The following PLCE1 variants were observed in gnomAD, a reference collection of about 807,000 sequenced individuals.
The protein encoded by PLCE1 is 1-phosphatidylinositol 4,5-bisphosphate phosphodiesterase epsilon-1.
In PLCE1, 119 loss-of-function variants were observed where a neutral mutation model predicts 242.8. The ratio of observed to expected loss-of-function variants is 0.49; its 90% CI spans 0.42 to 0.57. The LOEUF (loss-of-function observed/expected upper bound fraction) is 0.57. Ranked by LOEUF, PLCE1 falls within the 20% of genes least tolerant of loss-of-function variation. PLCE1 has a pLI of 0.00. For missense variants in PLCE1, 2,441 were observed against 2,788.8 expected (o/e 0.88, Z 2.81); for synonymous variants, 945 against 1,017.4 (o/e 0.93, Z 1.35).
At chr10:94,152,293 T>C (rs1448794297) in intron 3 of PLCE1, among the ~76,000 whole-genome samples, 1 of 152,248 alleles carries the variant, frequency 6.6e-6, no homozygotes, top group East Asian at 1.9e-4. Flanking sequence ...AAACAGTTCC[T>C]ATACGACCTT....
At chr10:94,290,915 T>C (rs1361751162) in intron 22 of PLCE1, among the ~76,000 whole-genome samples, 3 of 152,112 alleles carry the variant, frequency 2.0e-5, no homozygotes, top group African/African-American at 7.2e-5. Context: ...ACTTGAGTAA[T>C]GTGTTATGCT....
intron 9 of PLCE1, 99 bp downstream of exon 9, chr10:94,252,597 C>A (rs186621375): frequency 3.9e-6 from 4 of 1,013,768 alleles, no homozygotes; most frequent in Non-Finnish European, 6.0e-6. Context: ...GGGTTGAGGA[C>A]AAAGTCAGGT....
chr10:94,263,633 G>T (rs1251759373), intron 14 of PLCE1, among the ~76,000 whole-genome samples: 3 of 151,942 alleles, frequency 2.0e-5, no homozygotes, highest in Non-Finnish European at 4.4e-5. Flanking sequence ...CACAGAGGTT[G>T]CAGTGAGCTA....
chr10:94,285,472 G>A (rs778205662), intron 22 of PLCE1, among the ~76,000 whole-genome samples: 5 of 152,176 alleles, frequency 3.3e-5, no homozygotes, highest in Non-Finnish European at 7.3e-5. Flanking sequence ...GCTTAAAAAT[G>A]AAGACACACA....
In PLCE1 at chr10:94,265,597, C is replaced by A. The variant is rs922032185; in HGVS notation, c.4054-50C>A. ...AAATGATGTGGTGGTTTCTTTCCCC[C>A]TCTTAGTTTCCTTAACCTAAATAAC... On this transcript the variant is annotated intron_variant, in intron 14 of 32. Coordinates refer to ENST00000371380, the MANE Select transcript of PLCE1 (RefSeq NM_016341.4). 4 of 1,475,510 alleles carry A rather than the reference C, an allele frequency of 2.7e-6. No individual in the cohort carries two copies. The African/African-American group carries it at 5.5e-5, about 20-fold the overall frequency. 91.4% of individuals were successfully genotyped at this position (1,475,510 alleles called of 1,614,324 possible). A position where few individuals can be genotyped will look rare whatever the true frequency, so the allele number is the denominator to read the frequency against.
Position 94,132,307 on chromosome 10 carries a change from G to C in PLCE1, c.1340G>C (p.Arg447Pro), listed in dbSNP as rs140876132. 1 of 1,613,880 alleles carries C rather than the reference G, an allele frequency of 6.2e-7. No individual in the cohort carries two copies. The highest frequency in any genetic ancestry group is 2.2e-5 in the East Asian group (1 of 44,846). Reference protein sequence around the residue: ...SVGPCLKQCVRDTVCEYRATL... With the variant: ...SVGPCLKQCVPDTVCEYRATL... The stretch of plus-strand genomic sequence containing the variant: ...GGTCCATGCTTAAAGCAATGTGTCC[G>C]AGACACTGTATGTGAGTATCGCGCC... The change falls in exon 3 of 33, where the codon CGA becomes CCA. Residue 447 changes from arginine (R) to proline (P), a missense_variant. Physicochemically the swap from Arg to Pro is moderately radical, Grantham distance 103. Around this residue, in one of 5 missense-constraint regions of PLCE1, gnomAD observed 733 missense variants for 754.2 expected, o/e 0.97. Coordinates refer to ENST00000371380, the MANE Select transcript of PLCE1 (RefSeq NM_016341.4).
chr10:94,221,667 G>A (rs376903073), intron 4 of PLCE1, among the ~76,000 whole-genome samples: 4 of 152,116 alleles, frequency 2.6e-5, no homozygotes, highest in Admixed American at 6.5e-5. Context: ...CCCAGGAGGC[G>A]GAGATTGCAG....
intron 27 of PLCE1, among the ~76,000 whole-genome samples, chr10:94,312,776 A>G (rs916801439): frequency 6.6e-6 from 1 of 152,200 alleles, no homozygotes; most frequent in African/African-American, 2.4e-5. Flanking sequence ...ATATATCTTA[A>G]TACACAAAAT....
intron 4 of PLCE1, among the ~76,000 whole-genome samples, chr10:94,204,766 G>A (rs1433239128): frequency 3.6e-5 from 4 of 110,588 alleles, no homozygotes; most frequent in African/African-American, 7.0e-5. Context: ...AAGGAAGGAA[G>A]GAAGGAAGGA....
In PLCE1 at chr10:94,234,154, G is replaced by A; in HGVS notation, c.2056G>A (p.Glu686Lys). 6.2e-7 allele frequency: 1 copy of A among 1,614,142 alleles called. No homozygotes were observed. The highest frequency in any genetic ancestry group is 8.5e-7 in the Non-Finnish European group (1 of 1,179,974). Residue 686 changes from glutamate to lysine, a missense_variant, in exon 6 of 33, where the codon GAG (glutamate) becomes AAG (lysine). By Grantham distance (56) the Glu-to-Lys change is moderately conservative (BLOSUM62 1). Transcript: ENST00000371380. ...TATGGCCCAGCATGAGTCCTCTTGT[G>A]AGTACAGAAAGGTGGTGACACGTGC... is the stretch of plus-strand genomic sequence containing the variant. ...DAMAQHESSC[E>K]YRKVVTRALH...
At chr10:94,156,082 A>G (rs866107313) in intron 3 of PLCE1, among the ~76,000 whole-genome samples, 1 of 152,226 alleles carries the variant, frequency 6.6e-6, no homozygotes, top group Admixed American at 6.5e-5. Flanking sequence ...GGGGTGTGAT[A>G]ATAATGCCAC....
At chr10:94,168,955 G>A (rs2047891607) in intron 3 of PLCE1, among the ~76,000 whole-genome samples, 1 of 152,186 alleles carries the variant, frequency 6.6e-6, no homozygotes, top group Non-Finnish European at 1.5e-5. Flanking sequence ...TCAGAAAGCT[G>A]GAGGGGGAGG....
rs1589413049 is a variant in PLCE1 at position 94,246,354 on chromosome 10, T to C, written c.2829T>C (p.Ala943=). 2 of 1,614,182 alleles carry C rather than the reference T, an allele frequency of 1.2e-6. No individual in the cohort carries two copies. Among genetic ancestry groups the C allele is most frequent in the Admixed American group, 3.3e-5 (2 of 60,028 alleles). ...EGVLDLFAVK[A]VYMGHPGIDI... ...TCTTGGATCTTTTTGCAGTGAAGGCTGTATACATGGGCCACCCTGGCATTG... is the reference window on the plus strand; with the variant it reads ...TCTTGGATCTTTTTGCAGTGAAGGCCGTATACATGGGCCACCCTGGCATTG... The change falls in exon 8 of 33, where the codon GCT becomes GCC. Residue 943 remains alanine, a synonymous_variant. Coordinates refer to ENST00000371380, the MANE Select transcript of PLCE1 (RefSeq NM_016341.4).
Position 94,132,465 on chromosome 10 carries a change from G to T in PLCE1, c.1492+6G>T, listed in dbSNP as rs375467021. On this transcript the variant is annotated splice_donor_region_variant and intron_variant, in intron 3 of 32. Coordinates refer to ENST00000371380, the MANE Select transcript of PLCE1 (RefSeq NM_016341.4). ...TGGACGAATGATGCTGAAAGGTAAT[G>T]CCTGAAATTTCACTTTTAACTTTCT... The T allele has an allele frequency of 1.2e-6, 2 of 1,612,864 alleles. No homozygotes were observed. Among genetic ancestry groups the T allele is most frequent in the African/African-American group, 2.7e-5 (2 of 74,862 alleles).
intron 4 of PLCE1, among the ~76,000 whole-genome samples, chr10:94,187,114 G>T (rs1210859855): frequency 1.3e-5 from 2 of 150,470 alleles, no homozygotes; most frequent in Non-Finnish European, 2.9e-5. Flanking sequence ...TATCACATAG[G>T]TTGAAAGTGG....
chr10:94,316,609 A>G lies in PLCE1; in HGVS notation c.6195A>G (p.Lys2065=), dbSNP rs1443791749. The change falls in exon 29 of 33, where the codon AAA becomes AAG. Residue 2065 remains lysine (K), a synonymous_variant. Coordinates refer to ENST00000371380, the MANE Select transcript of PLCE1 (RefSeq NM_016341.4). ...CAGACTATTTTTTGATGGAAGAAAA[A>G]TATTTTATATCTAAAGAAAAGAATG... The part of the protein sequence containing the change: ...VTTDYFLMEE[K]YFISKEKNEC... 1 of 1,608,592 alleles carries G rather than the reference A, an allele frequency of 6.2e-7. No individual in the cohort carries two copies. The highest frequency in any genetic ancestry group is 1.1e-5 in the South Asian group (1 of 90,846).
chr10:94,235,444 A>G (rs114192011), intron 6 of PLCE1, among the ~76,000 whole-genome samples: 3,174 of 152,270 alleles, frequency 0.021, 107 homozygotes, highest in African/African-American at 0.072. Context: ...GAGCTTAAAA[A>G]CCAGGAAGAA....
chr10:94,105,988 C>T (rs1204236548), intron 2 of PLCE1: 2 of 152,158 alleles, frequency 1.3e-5, no homozygotes, highest in Non-Finnish European at 2.9e-5. Flanking sequence ...TACCATTTTA[C>T]AAATAAGGCA....
intron 2 of PLCE1, among the ~76,000 whole-genome samples, chr10:94,047,979 C>T (rs907192545): frequency 6.6e-6 from 1 of 151,956 alleles, no homozygotes; most frequent in African/African-American, 2.4e-5. Context: ...TCAAAAAAAA[C>T]TTCAGATTTT....
Sources: gnomAD v4.1 joint callset for allele counts (sites outside exome capture counted in the v4.1 genomes callset) on GRCh38, gnomAD v4.1.1 for gene constraint, gnomAD v4.1.1 regional missense constraint, MANE v1.5 for transcripts, NCBI Gene and HGNC (gene_info 2026-07-23, HGNC 2026-07-21) for gene names.